THSD4: variants seen among roughly 807,000 people sequenced by gnomAD.
THSD4 encodes thrombospondin type 1 domain containing 4.
Under a neutral mutation model 119.0 loss-of-function variants are expected in THSD4, and 69 were observed. That is an observed-to-expected ratio of 0.58 (90% confidence interval 0.48 to 0.71). THSD4 has a LOEUF of 0.71. THSD4 is among the 30% of genes least tolerant of loss of function. THSD4 has a pLI of 0.00. For missense variants in THSD4, 1,393 were observed against 1,391.1 expected, an observed-to-expected ratio of 1.00 and a Z score of -0.02; for synonymous variants, 524 against 540.4, an observed-to-expected ratio of 0.97 and a Z score of 0.42.
At chr15:71,765,522 T>C (rs2053700570) in intron 16 of THSD4, among the ~76,000 whole-genome samples, 1 of 152,234 alleles carries the variant, frequency 6.6e-6, no homozygotes, top group Non-Finnish European at 1.5e-5. Flanking sequence ...AGCAAGTTCC[T>C]GAGGTGTGTT....
chr15:71,323,677 A>C (rs899906527), intron 6 of THSD4, among the ~76,000 whole-genome samples: 14 of 152,204 alleles, frequency 9.2e-5, no homozygotes, highest in African/African-American at 2.7e-4. Flanking sequence ...AGCAGCAAAA[A>C]TCAAGGGCTG....
At chr15:71,164,797 A>T (rs1438174193) in intron 3 of THSD4, 10 of 1,591,826 alleles carry the variant, frequency 6.3e-6, no homozygotes, top group South Asian at 2.3e-5. Flanking sequence ...CTTCTTCTTC[A>T]TCTTCATCTT....
At chr15:71,434,439 T>C (rs1197105267) in intron 7 of THSD4, among the ~76,000 whole-genome samples, 7 of 140,026 alleles carry the variant, frequency 5.0e-5, no homozygotes, top group Admixed American at 3.5e-4. Flanking sequence ...GGTCCCTTTT[T>C]TTTTTTTTTT....
chr15:71,424,300 A>T (rs1159850914), intron 7 of THSD4, among the ~76,000 whole-genome samples: 1 of 152,152 alleles, frequency 6.6e-6, no homozygotes, highest in Non-Finnish European at 1.5e-5. Context: ...AAATAAGGAC[A>T]AGAAGAATGT....
At chr15:71,318,437 A>G (rs2045221058) in intron 6 of THSD4, among the ~76,000 whole-genome samples, 1 of 152,150 alleles carries the variant, frequency 6.6e-6, no homozygotes, top group Admixed American at 6.5e-5. Context: ...ACACTGAGAG[A>G]TGGAATCTTA....
chr15:71,578,562 C>T (rs7167803), intron 7 of THSD4, among the ~76,000 whole-genome samples: 40,129 of 151,768 alleles, frequency 0.26, 5,832 homozygotes, highest in East Asian at 0.45. Context: ...GTCTCAAACT[C>T]CTGAGCTCAG....
chr15:71,586,470 A>G (rs1197990227), intron 7 of THSD4, among the ~76,000 whole-genome samples: 1 of 152,136 alleles, frequency 6.6e-6, no homozygotes, highest in Non-Finnish European at 1.5e-5. Flanking sequence ...TGCATCTGGA[A>G]GACTGAAGTA....
intron 8 of THSD4, among the ~76,000 whole-genome samples, chr15:71,723,101 G>T (rs1501421): frequency 6.0e-5 from 9 of 150,802 alleles, no homozygotes; most frequent in African/African-American, 1.5e-4. Context: ...AAAAAAAAAT[G>T]GGCAGATAAT....
At chr15:71,573,247 G>A (rs2049392468) in intron 7 of THSD4, among the ~76,000 whole-genome samples, 1 of 152,154 alleles carries the variant, frequency 6.6e-6, no homozygotes, top group Middle Eastern at 3.2e-3. Context: ...TAGGTGCCCA[G>A]TATTTATTAA....
At chr15:71,199,889 TGGTATGTGTGTGTGGTGCATGTGTGG>T (rs1178425901) in intron 3 of THSD4, among the ~76,000 whole-genome samples, 1 of 44,548 alleles carries the variant, frequency 2.2e-5, no homozygotes, top group African/African-American at 4.4e-5. Context: ...GGTGCATGTG[TGGTATGTGTGTGTGGTGCATGTGTGG>T]GGTGTGTGTG....
chr15:71,107,227 G>A (rs758737886), intron 1 of THSD4, among the ~76,000 whole-genome samples: 7 of 152,276 alleles, frequency 4.6e-5, no homozygotes, highest in East Asian at 1.9e-4. Flanking sequence ...AACTTCAGAT[G>A]CTGACAAGTA....
At position 71,263,346 on chromosome 15, in the gene THSD4, T is replaced by TATATAC. The variant is rs937302953; in HGVS notation, c.1015+6632_1015+6633insTATACA. Among the ~76,000 whole-genome samples the TATATAC allele has an allele frequency of 3.3e-5, 5 of 150,764 alleles. No homozygotes were observed. In the East Asian group the frequency reaches 5.8e-4, roughly 17 times the overall value. On this transcript the variant is annotated intron_variant, in intron 6 of 17. Transcript: ENST00000261862. Reference sequence around the variant, plus strand: ...GTATTCCATGGTATATATATATATATACGACATTTTCTTTATCAAGTTTAT... The same window carrying TATATAC: ...GTATTCCATGGTATATATATATATATATATACACGACATTTTCTTTATCAAGTTTAT...
intron 4 of THSD4, among the ~76,000 whole-genome samples, chr15:71,218,479 C>A (rs1382030673): frequency 6.6e-6 from 1 of 152,212 alleles, no homozygotes; most frequent in African/African-American, 2.4e-5. Flanking sequence ...TGTGTTTTGG[C>A]AGCAGGAAAT....
chr15:71,218,623 G>A (rs1279026432), intron 4 of THSD4, among the ~76,000 whole-genome samples: 4 of 152,164 alleles, frequency 2.6e-5, no homozygotes, highest in Admixed American at 6.5e-5. Flanking sequence ...GGCCTGTGCT[G>A]CCTACATATG....
chr15:71,542,047 G>A (rs1198378170), intron 7 of THSD4, among the ~76,000 whole-genome samples: 1 of 152,224 alleles, frequency 6.6e-6, no homozygotes, highest in Non-Finnish European at 1.5e-5. Context: ...AGGAGCAGAG[G>A]AGTAAAAATA....
chr15:71,723,072 G>T (rs1329085583), intron 8 of THSD4, among the ~76,000 whole-genome samples: 3 of 148,612 alleles, frequency 2.0e-5, no homozygotes, highest in African/African-American at 4.9e-5. Context: ...ATTTAGGCTA[G>T]TTTTTTTTTT....
intron 8 of THSD4, among the ~76,000 whole-genome samples, chr15:71,705,296 G>C (rs2052372970): frequency 2.0e-5 from 3 of 152,172 alleles, no homozygotes; most frequent in Non-Finnish European, 1.5e-5. Flanking sequence ...TGTGTGTGGA[G>C]AGGAAGAGCA....
At chr15:71,288,271 T>C (rs1407859997) in intron 6 of THSD4, among the ~76,000 whole-genome samples, 1 of 152,188 alleles carries the variant, frequency 6.6e-6, no homozygotes, top group African/African-American at 2.4e-5. Flanking sequence ...GATCCATTTT[T>C]GAAAGAAAGC....
chr15:71,583,051 C>G (rs899108923), intron 7 of THSD4, among the ~76,000 whole-genome samples: 2 of 152,106 alleles, frequency 1.3e-5, no homozygotes, highest in Non-Finnish European at 2.9e-5. Flanking sequence ...TGAAGCCATC[C>G]AATCTTGACT....
Sources: gnomAD v4.1 joint callset for allele counts (sites outside exome capture counted in the v4.1 genomes callset) on GRCh38, gnomAD v4.1.1 for gene constraint, MANE v1.5 for transcripts, NCBI Gene and HGNC (gene_info 2026-07-23, HGNC 2026-07-21) for gene names.